BCAN: variants seen among roughly 807,000 people sequenced by gnomAD.
BCAN encodes brevican.
In BCAN, 51 loss-of-function variants were observed where a neutral mutation model predicts 92.4. The observed-to-expected ratio is 0.55, with a 90% CI of 0.44 to 0.70. The LOEUF (loss-of-function observed/expected upper bound fraction) is 0.70. Ranked by LOEUF, BCAN falls within the 30% of genes least tolerant of loss-of-function variation. The pLI, the probability that BCAN is intolerant of heterozygous loss-of-function variation, is 0.00. For synonymous variants in BCAN, 501 were observed against 505.2 expected (o/e 0.99, Z 0.11); for missense variants, 1,140 against 1,212.1 (o/e 0.94, Z 0.88).
chr1:156,655,858 G>A (rs1156981320), intron 8 of BCAN, among the ~76,000 whole-genome samples: 1 of 152,194 alleles, frequency 6.6e-6, no homozygotes, highest in East Asian at 1.9e-4. Flanking sequence ...AAGACAAGGG[G>A]GTGTGGCACT....
intron 10 of BCAN, chr1:156,657,371 A>C: frequency 1.8e-6 from 1 of 556,008 alleles, no homozygotes; most frequent in Non-Finnish European, 3.1e-6. Context: ...AATCCCTCCA[A>C]CCTCCCTGCT....
Position 156,647,092 on chromosome 1 carries a change from G to A in BCAN, c.383G>A (p.Arg128His). 2 of 1,606,838 alleles carry A rather than the reference G, an allele frequency of 1.2e-6. No individual in the cohort carries two copies. The highest frequency in any genetic ancestry group is 4.5e-5 in the East Asian group (2 of 44,586). Residue 128 changes from arginine to histidine, a missense_variant, in exon 3 of 14, where the codon CGC becomes CAC. Physicochemically the swap from Arg to His is conservative, Grantham distance 29 (BLOSUM62 0). Coordinates refer to ENST00000329117, the MANE Select transcript of BCAN (RefSeq NM_021948.5). The surrounding 1 kb of genome is among the most constrained non-coding windows in gnomAD (Gnocchi z 4.8). ...GTCTCCCTGGCGCTGAGCGAGCTGC[G>A]CCCCAACGACTCAGGTATCTATCGC... ...TDVSLALSEL[R>H]PNDSGIYRCE...
At position 156,646,155 on chromosome 1, in the gene BCAN, C is replaced by T; in HGVS notation, c.91+10C>T. ...GAAGGAGACAGCTCAGGTAAGCAACCCCACTTGGGGTCACCGTCTCTGTCT... is the reference window on the plus strand; with the variant it reads ...GAAGGAGACAGCTCAGGTAAGCAACTCCACTTGGGGTCACCGTCTCTGTCT... On this transcript the variant is annotated intron_variant, in intron 2 of 13. Transcript: ENST00000329117. The T allele has an allele frequency of 6.2e-7, 1 of 1,612,240 alleles. No homozygotes were observed. The highest frequency in any genetic ancestry group is 1.1e-5 in the South Asian group (1 of 90,970).
In BCAN at chr1:156,653,406, A is replaced by AT. The variant is rs558967947; in HGVS notation, c.1942+520dup. The AT allele has an allele frequency of 1.9e-4, 189 of 998,544 alleles. No individual in the cohort carries two copies. The African/African-American group carries it at 3.0e-3, about 16-fold the overall frequency. 61.9% of individuals were successfully genotyped at this position (998,544 alleles called of 1,614,324 possible). On this transcript the variant is annotated intron_variant, in intron 8 of 13. Coordinates refer to ENST00000329117, the MANE Select transcript of BCAN (RefSeq NM_021948.5). Reference sequence around the variant, plus strand: ...CCTTAAGCAACTACTTCTGTGAAGTATTTTTTGACTGTTTCATGGAAAACA... The same window carrying AT: ...CCTTAAGCAACTACTTCTGTGAAGTATTTTTTTGACTGTTTCATGGAAAACA...
chr1:156,648,994 A>G, intron 6 of BCAN, 133 bp downstream of exon 6: 1 of 1,098,308 alleles, frequency 9.1e-7, no homozygotes, highest in East Asian at 2.5e-5. Flanking sequence ...GGTGAAGTCC[A>G]GCTTGTCATC....
At position 156,646,861 on chromosome 1, in the gene BCAN, G is replaced by A. The variant is rs1216804107; in HGVS notation, c.152G>A (p.Gly51Asp). Residue 51 changes from glycine to aspartate, a missense_variant, in exon 3 of 14, where the codon GGC (glycine) becomes GAC (aspartate). Physicochemically the swap from Gly to Asp is moderately conservative, Grantham distance 94. Transcript: ENST00000329117. ...GDAPLQGVLG[G>D]ALTIPCHVHY... ...GCGCCACTGCAGGGCGTGCTCGGCG[G>A]CGCCCTCACCATCCCTTGCCACGTC... is the stretch of plus-strand genomic sequence containing the variant. 1.2e-6 allele frequency: 2 copies of A among 1,607,746 alleles called. No homozygotes were observed. Among genetic ancestry groups the A allele is most frequent in the Admixed American group, 1.7e-5 (1 of 59,486 alleles).
rs778299542 is a variant in BCAN, at chr1:156,658,635, T to C, written c.2530T>C (p.Cys844Arg). Reference protein sequence around the residue: ...YEVDTVLRYRCREGLAQRNLP... With the variant: ...YEVDTVLRYRRREGLAQRNLP... ...GGTGGACACTGTGCTTCGCTACCGG[T>C]GCCGGGAAGGACTGGCCCAGCGCAA... Residue 844 changes from cysteine (C) to arginine (R), a missense_variant, in exon 13 of 14, where the codon TGC (cysteine) becomes CGC (arginine). By Grantham distance (180) the Cys-to-Arg change is radical. Transcript: ENST00000329117. This position sits in a 1 kb window ranked among gnomAD's most constrained non-coding sequence, Gnocchi z 4.4. 6.2e-7 allele frequency: 1 copy of C among 1,614,110 alleles called. No individual in the cohort carries two copies.
In BCAN at chr1:156,657,083, G is replaced by C. The variant is rs755931582; in HGVS notation, c.2196G>C (p.Gln732His). 4 of 1,613,282 alleles carry C rather than the reference G, an allele frequency of 2.5e-6. No homozygotes were observed. The highest frequency in any genetic ancestry group is 3.4e-6 in the Non-Finnish European group (4 of 1,179,322). The change falls in exon 10 of 14, where the codon CAG becomes CAC. Residue 732 changes from glutamine (Q) to histidine (H), a missense_variant. Transcript: ENST00000329117. ...HLASISTPEE[Q>H]DFINNRYREY... ...CCAGCATCAGCACACCCGAGGAACA[G>C]GACTTCATCAACAGTGGGCTGGGAG... is the stretch of plus-strand genomic sequence containing the variant.
chr1:156,643,667 G>GAA (rs1678869008), intron 1 of BCAN: 2 of 151,874 alleles, frequency 1.3e-5, no homozygotes, highest in African/African-American at 4.8e-5. Flanking sequence ...GAGAGAGAGA[G>GAA]ACCTGGTCTT....
chr1:156,646,928 C>A lies in BCAN; in HGVS notation c.219C>A (p.Gly73=). 1 of 1,612,606 alleles carries A rather than the reference C, an allele frequency of 6.2e-7. No individual in the cohort carries two copies. Among genetic ancestry groups the A allele is most frequent in the Non-Finnish European group, 8.5e-7 (1 of 1,179,588 alleles). Residue 73 remains glycine (G), a synonymous_variant, in exon 3 of 14, where the codon GGC becomes GGA. Transcript: ENST00000329117. ...CGCCGAGCCGCCGGGCTGTGCTGGG[C>A]TCTCCGCGGGTCAAGTGGACTTTCC... ...RPPPSRRAVL[G]SPRVKWTFLS... is the part of the protein sequence containing the mutation.
In BCAN at chr1:156,658,765, G is replaced by A; in HGVS notation, c.2628+32G>A. ...GCCAGGAAGAGGCAGGTGGGAGTGG[G>A]AGACAGTAGCCAACAGTAGCCTTGG... On this transcript the variant is annotated intron_variant, in intron 13 of 13. Transcript: ENST00000329117. This position sits in a 1 kb window ranked among gnomAD's most constrained non-coding sequence, Gnocchi z 4.4. 6.2e-7 allele frequency: 1 copy of A among 1,612,674 alleles called. No individual in the cohort carries two copies. The highest frequency in any genetic ancestry group is 8.5e-7 in the Non-Finnish European group (1 of 1,179,310).
At position 156,656,380 on chromosome 1, in the gene BCAN, T is replaced by G. The variant is rs1679330096; in HGVS notation, c.2041T>G (p.Cys681Gly). The part of the protein sequence containing the change: ...LCLPGYGGDL[C>G]DVGLRFCNPG... ...TCTGCCTGGCTATGGGGGGGACCTG[T>G]GCGATGTTGGTGAGTGTTGAGGGAC... The change falls in exon 9 of 14, where the codon TGC (cysteine) becomes GGC (glycine). Residue 681 changes from cysteine (C) to glycine (G), a missense_variant. By Grantham distance (159) the Cys-to-Gly change is radical. Transcript: ENST00000329117. 7.3e-7 allele frequency: 1 copy of G among 1,365,246 alleles called. No homozygotes were observed. The highest frequency in any genetic ancestry group is 1.5e-5 in the African/African-American group (1 of 66,252). The allele number at this position is 1,365,246 out of a possible 1,614,324, so 84.6% of individuals were successfully genotyped here. A position where few individuals can be genotyped will look rare whatever the true frequency, so the allele number is the denominator to read the frequency against.
At position 156,648,847 on chromosome 1, in the gene BCAN, T is replaced by C; in HGVS notation, c.1049T>C (p.Val350Ala). ...CCCAATAAGCACAGCCGCTTCAACG[T>C]CTACTGCTTCCGAGGTGAGCCCACC... ...GFPNKHSRFNVYCFRDSAQPS... is the reference protein window; with the variant it reads ...GFPNKHSRFNAYCFRDSAQPS... Residue 350 changes from valine (V) to alanine (A), a missense_variant, in exon 6 of 14, where the codon GTC becomes GCC. Around this residue, in one of 3 missense-constraint regions of BCAN, gnomAD observed 825 missense variants for 871.8 expected, o/e 0.95. Coordinates refer to ENST00000329117, the MANE Select transcript of BCAN (RefSeq NM_021948.5). 1 of 1,566,594 alleles carries C rather than the reference T, an allele frequency of 6.4e-7. No individual in the cohort carries two copies. Among genetic ancestry groups the C allele is most frequent in the Non-Finnish European group, 8.7e-7 (1 of 1,148,144 alleles).
At chr1:156,654,232 C>T (rs759565136) in intron 8 of BCAN, among the ~76,000 whole-genome samples, 11 of 152,264 alleles carry the variant, frequency 7.2e-5, no homozygotes, top group Non-Finnish European at 1.0e-4. Context: ...CTAAGATTCC[C>T]AGTGGAGGTT....
intron 5 of BCAN, 79 bp downstream of exon 5, chr1:156,648,189 G>A: frequency 1.3e-6 from 2 of 1,556,208 alleles, no homozygotes; most frequent in Admixed American, 1.7e-5. Context: ...GCCTCTGCAG[G>A]ACCTTACTAT....
At chr1:156,653,742 A>C (rs1263225410) in intron 8 of BCAN, among the ~76,000 whole-genome samples, 1 of 152,128 alleles carries the variant, frequency 6.6e-6, no homozygotes, top group Non-Finnish European at 1.5e-5. Flanking sequence ...TTGACTGTAC[A>C]CATTACCCCT....
At position 156,651,440 on chromosome 1, in the gene BCAN, T is replaced by C. The variant is rs762878238; in HGVS notation, c.1064-16T>C. 6 of 1,606,706 alleles carry C rather than the reference T, an allele frequency of 3.7e-6. No individual in the cohort carries two copies. Among genetic ancestry groups the C allele is most frequent in the South Asian group, 1.1e-5 (1 of 90,826 alleles). On this transcript the variant is annotated splice_polypyrimidine_tract_variant and intron_variant, in intron 6 of 13. Coordinates refer to ENST00000329117, the MANE Select transcript of BCAN (RefSeq NM_021948.5). ...TACCTATTCAGGCTCGCATCAATAC[T>C]TTCCTCCTGCCACAGACTCGGCCCA...
intron 6 of BCAN, among the ~76,000 whole-genome samples, chr1:156,649,066 G>A (rs1679078463): frequency 6.6e-6 from 1 of 152,198 alleles, no homozygotes; most frequent in Non-Finnish European, 1.5e-5. Flanking sequence ...GGCCCAAGGA[G>A]TAGTCACCTT....
intron 10 of BCAN, chr1:156,657,362 A>C: frequency 1.8e-6 from 1 of 567,328 alleles, no homozygotes; most frequent in Non-Finnish European, 3.1e-6. Context: ...GCCGCCTCCA[A>C]TCCCTCCAAC....
Sources: gnomAD v4.1 joint callset for allele counts (sites outside exome capture counted in the v4.1 genomes callset) on GRCh38, gnomAD v4.1.1 for gene constraint, gnomAD v4.1.1 regional missense constraint, Gnocchi (gnomAD v3.1) non-coding constraint, MANE v1.5 for transcripts, NCBI Gene and HGNC (gene_info 2026-07-23, HGNC 2026-07-21) for gene names.